CIB4: variants seen among roughly 807,000 people sequenced by gnomAD.
The protein encoded by CIB4 is calcium and integrin-binding family member 4.
CIB4 carries 25 observed loss-of-function variants against 25.8 expected under a neutral mutation model. The observed-to-expected ratio is 0.97, with a 90% CI of 0.71 to 1.35. The LOEUF (loss-of-function observed/expected upper bound fraction) is 1.35, where lower values mean the gene tolerates loss of function less well. CIB4 is among the 40% of genes most tolerant of loss of function. CIB4 has a pLI of 0.00. For synonymous variants in CIB4, 75 were observed against 81.4 expected (o/e 0.92, Z 0.42); for missense variants, 235 against 228.2 (o/e 1.03, Z -0.19).
Position 26,581,334 on chromosome 2 carries a change from G to A in CIB4, c.*29C>T. 2 of 1,605,132 alleles carry A rather than the reference G, an allele frequency of 1.2e-6. No individual in the cohort carries two copies. Among genetic ancestry groups the A allele is most frequent in the Non-Finnish European group, 1.7e-6 (2 of 1,171,948 alleles). On this transcript the variant is annotated 3_prime_UTR_variant, in exon 7 of 7. Coordinates refer to ENST00000288861, the MANE Select transcript of CIB4 (RefSeq NM_001029881.3). ...GTTCGATTCCTGTGGTCTCCCTCGAGGCTGCCATGTCAGGTGTTTGCCGCT... is the reference window on the plus strand; with the variant it reads ...GTTCGATTCCTGTGGTCTCCCTCGAAGCTGCCATGTCAGGTGTTTGCCGCT...
chr2:26,600,226 G>A lies in CIB4; in HGVS notation c.187-4909C>T, dbSNP rs1057431292. ...TCAAGACCAGACTGGTCAATGTGGC[G>A]AAACCCGTCTCTACTAAAAAATACA... On this transcript the variant is annotated intron_variant, in intron 3 of 6. Coordinates refer to ENST00000288861, the MANE Select transcript of CIB4 (RefSeq NM_001029881.3). Among the ~76,000 whole-genome samples, 11 of 146,786 alleles carry A rather than the reference G, an allele frequency of 7.5e-5. 2 individuals are homozygous for A. Among genetic ancestry groups the A allele is most frequent in the African/African-American group, 2.9e-4 (11 of 38,288 alleles).
rs142134256 is a variant in CIB4, at chr2:26,623,952, A to T, written c.186+5458T>A. Reference sequence around the variant, plus strand: ...ACAAGAACAGAAACATTGAGCTAATACACTTTTAAATACACCAAATCCATC... The same window carrying T: ...ACAAGAACAGAAACATTGAGCTAATTCACTTTTAAATACACCAAATCCATC... On this transcript the variant is annotated intron_variant, in intron 3 of 6. Coordinates refer to ENST00000288861, the MANE Select transcript of CIB4 (RefSeq NM_001029881.3). 7.4e-4 allele frequency among the ~76,000 whole-genome samples: 112 copies of T among 152,344 alleles called. 1 individual carries two copies. Among genetic ancestry groups the T allele is most frequent in the African/African-American group, 2.7e-3 (112 of 41,584 alleles).
intron 4 of CIB4, among the ~76,000 whole-genome samples, chr2:26,589,079 T>C (rs1668525559): frequency 1.3e-5 from 1 of 76,010 alleles, no homozygotes. Flanking sequence ...TTCCTCTTCT[T>C]CTTCTTCTTC....
chr2:26,609,171 G>A (rs1176227842), intron 3 of CIB4, among the ~76,000 whole-genome samples: 1 of 152,174 alleles, frequency 6.6e-6, no homozygotes, highest in Admixed American at 6.5e-5. Context: ...CAACTGGTGT[G>A]GGGGAAGGTG....
intron 2 of CIB4, among the ~76,000 whole-genome samples, chr2:26,636,023 A>G (rs927783496): frequency 1.3e-5 from 2 of 152,180 alleles, no homozygotes; most frequent in Non-Finnish European, 2.9e-5. Flanking sequence ...GCATTTTGCT[A>G]TTTCACTTTG....
chr2:26,624,779 C>CA (rs1293065248), intron 3 of CIB4, among the ~76,000 whole-genome samples: 7 of 141,370 alleles, frequency 5.0e-5, no homozygotes, highest in South Asian at 2.2e-4. Flanking sequence ...TGGGTACACA[C>CA]AAAAAAAATA....
rs568087119 is a variant in CIB4 at position 26,621,897 on chromosome 2, G to C, written c.186+7513C>G. On this transcript the variant is annotated intron_variant, in intron 3 of 6. Coordinates refer to ENST00000288861, the MANE Select transcript of CIB4 (RefSeq NM_001029881.3). ...CTCACTTCTAAATGCCTTTGGAGAA[G>C]ACTTAGAAGATTGGCAGAGGTTTGG... 9.8e-5 allele frequency among the ~76,000 whole-genome samples: 15 copies of C among 152,288 alleles called. No homozygotes were observed. In the South Asian group the frequency reaches 2.3e-3, roughly 23 times the overall value.
intron 3 of CIB4, among the ~76,000 whole-genome samples, chr2:26,601,274 G>A (rs1203733333): frequency 7.3e-6 from 1 of 136,646 alleles, no homozygotes; most frequent in East Asian, 2.0e-4. Flanking sequence ...ATATATGCAT[G>A]CTAAGCCTTT....
chr2:26,636,917 G>A (rs1379128128), intron 2 of CIB4, among the ~76,000 whole-genome samples: 1 of 152,124 alleles, frequency 6.6e-6, no homozygotes, highest in African/African-American at 2.4e-5. Context: ...ATCTCTGCCA[G>A]TCTGAAATGT....
chr2:26,637,600 C>T (rs1458487929), intron 2 of CIB4, among the ~76,000 whole-genome samples: 1 of 152,150 alleles, frequency 6.6e-6, no homozygotes, highest in East Asian at 1.9e-4. Context: ...CCCCTCCTCT[C>T]TAAGGGCAGT....
At chr2:26,610,459 C>T (rs1054171189) in intron 3 of CIB4, among the ~76,000 whole-genome samples, 1 of 152,208 alleles carries the variant, frequency 6.6e-6, no homozygotes, top group African/African-American at 2.4e-5. Flanking sequence ...ATGTTTCAGT[C>T]CTTGACATTT....
chr2:26,609,673 A>G (rs1291828926), intron 3 of CIB4, among the ~76,000 whole-genome samples: 1 of 152,084 alleles, frequency 6.6e-6, no homozygotes, highest in Non-Finnish European at 1.5e-5. Flanking sequence ...CAGCCATTTC[A>G]ACTCCATTTT....
At chr2:26,583,991 G>A (rs1668403447) in intron 4 of CIB4, 93 bp from the exon 5 acceptor site, 1 of 774,812 alleles carries the variant, frequency 1.3e-6, no homozygotes, top group Non-Finnish European at 2.2e-6. Flanking sequence ...CACCAGCCAG[G>A]ACCCCACAGA....
rs529756236 is a variant in CIB4, at chr2:26,632,180, T to C, written c.90-2674A>G. 2.4e-4 allele frequency among the ~76,000 whole-genome samples: 36 copies of C among 152,316 alleles called. No individual in the cohort carries two copies. In the South Asian group the frequency reaches 7.5e-3, roughly 32 times the overall value. On this transcript the variant is annotated intron_variant, in intron 2 of 6. Transcript: ENST00000288861. The stretch of plus-strand genomic sequence containing the variant: ...CTGTCTGATGGAGAGCCAGCCTCCT[T>C]CCAGTGGCATTGTGCAGATCCAGGC...
chr2:26,630,713 G>T (rs1418063447), intron 2 of CIB4, among the ~76,000 whole-genome samples: 1 of 152,130 alleles, frequency 6.6e-6, no homozygotes, highest in Non-Finnish European at 1.5e-5. Context: ...TTGCAGTGGG[G>T]TAGTAAATCT....
intron 1 of CIB4, 103 bp downstream of exon 1, chr2:26,641,158 T>C (rs1669628040): frequency 4.1e-6 from 4 of 970,206 alleles, no homozygotes; most frequent in South Asian, 3.9e-5. Context: ...AAGCCAAAAA[T>C]TGGACACCCC....
chr2:26,593,489 G>A (rs1003089656), intron 4 of CIB4, among the ~76,000 whole-genome samples: 2 of 147,134 alleles, frequency 1.4e-5, no homozygotes, highest in Non-Finnish European at 2.9e-5. Context: ...ATAGCCTATT[G>A]GTTCTGTTTC....
chr2:26,636,710 A>G (rs1002844974), intron 2 of CIB4, among the ~76,000 whole-genome samples: 2 of 152,176 alleles, frequency 1.3e-5, no homozygotes, highest in African/African-American at 4.8e-5. Flanking sequence ...TTTAATTTGC[A>G]TGACAAAAAG....
chr2:26,629,515 A>C lies in CIB4; in HGVS notation c.90-9T>G. The C allele has an allele frequency of 1.3e-6, 2 of 1,542,672 alleles. No homozygotes were observed. Among genetic ancestry groups the C allele is most frequent in the Admixed American group, 3.9e-5 (2 of 51,786 alleles). Reference sequence around the variant, plus strand: ...GGAAGGTGTCATGGATGCTGAAAAGAGAGGCATGAAGACCGTGTGGCCGGG... The same window carrying C: ...GGAAGGTGTCATGGATGCTGAAAAGCGAGGCATGAAGACCGTGTGGCCGGG... On this transcript the variant is annotated splice_polypyrimidine_tract_variant and intron_variant, in intron 2 of 6. Coordinates refer to ENST00000288861, the MANE Select transcript of CIB4 (RefSeq NM_001029881.3).
Sources: gnomAD v4.1 joint callset for allele counts (sites outside exome capture counted in the v4.1 genomes callset) on GRCh38, gnomAD v4.1.1 for gene constraint, MANE v1.5 for transcripts, NCBI Gene and HGNC (gene_info 2026-07-23, HGNC 2026-07-21) for gene names.